LUZP2: variants seen among roughly 807,000 people sequenced by gnomAD.
LUZP2 encodes leucine zipper protein 2.
Under a neutral mutation model 51.6 loss-of-function variants are expected in LUZP2, and 52 were observed. The observed-to-expected ratio is 1.01, with a 90% confidence interval of 0.81 to 1.27. The LOEUF is 1.27. Among genes scored for constraint, LUZP2 ranks in the 50% most tolerant of loss-of-function variants. LUZP2 has a pLI of 0.00. For synonymous variants in LUZP2, 154 were observed against 137.3 expected, an observed-to-expected ratio of 1.12 and a Z score of -0.85; for missense variants, 436 against 395.4, an observed-to-expected ratio of 1.10 and a Z score of -0.87.
At chr11:24,595,593 C>CCT (rs1853415595) in intron 1 of LUZP2, among the ~76,000 whole-genome samples, 1 of 152,150 alleles carries the variant, frequency 6.6e-6, no homozygotes, top group Non-Finnish European at 1.5e-5. Context: ...TATTTAACTT[C>CCT]AATGTTCAAA....
chr11:24,673,524 C>G (rs79533285), intron 1 of LUZP2, among the ~76,000 whole-genome samples: 1 of 152,302 alleles, frequency 6.6e-6, no homozygotes, highest in Non-Finnish European at 1.5e-5. Flanking sequence ...TAAACTTTCT[C>G]TCTTCTGTAT....
intron 7 of LUZP2, among the ~76,000 whole-genome samples, chr11:24,954,201 G>T (rs1332901344): frequency 6.6e-6 from 1 of 151,836 alleles, no homozygotes; most frequent in Non-Finnish European, 1.5e-5. Flanking sequence ...AGTGTTCTGT[G>T]TTCCTCCAAG....
rs546997038 is a variant in LUZP2, at chr11:24,902,477, G to A, written c.397-3514G>A. 4.6e-5 allele frequency among the ~76,000 whole-genome samples: 7 copies of A among 152,124 alleles called. No individual in the cohort carries two copies. The South Asian group carries it at 1.4e-3, about 31-fold the overall frequency. The stretch of plus-strand genomic sequence containing the variant: ...CATTAATCTTTTTTGGGGGAGTGGA[G>A]AGTAAATATTATTAAAGAAAGTTAA... On this transcript the variant is annotated intron_variant, in intron 5 of 11. Transcript: ENST00000336930.
At chr11:24,527,865 A>C (rs1360073314) in intron 1 of LUZP2, among the ~76,000 whole-genome samples, 1 of 151,350 alleles carries the variant, frequency 6.6e-6, no homozygotes, top group Non-Finnish European at 1.5e-5. Flanking sequence ...TCAGACCCAA[A>C]GCTCAGGATA....
intron 9 of LUZP2, among the ~76,000 whole-genome samples, chr11:25,017,624 T>C (rs1316073932): frequency 6.6e-6 from 1 of 152,190 alleles, no homozygotes; most frequent in Non-Finnish European, 1.5e-5. Context: ...TATGTATCTT[T>C]TATACCAGCA....
chr11:24,739,358 A>G (rs937011590), intron 4 of LUZP2, among the ~76,000 whole-genome samples: 6 of 151,962 alleles, frequency 3.9e-5, no homozygotes, highest in Admixed American at 6.6e-5. Context: ...CAGTGGCCTG[A>G]GATAATAAAA....
At position 24,674,652 on chromosome 11, in the gene LUZP2, C is replaced by CT. The variant is rs139200884; in HGVS notation, c.63-54514dup. Reference sequence around the variant, plus strand: ...GCTTATATGCAACCTTTGTCCCAAACTTTATTCCCCTGTATTCCTAAACAA... The same window carrying CT: ...GCTTATATGCAACCTTTGTCCCAAACTTTTATTCCCCTGTATTCCTAAACAA... On this transcript the variant is annotated intron_variant, in intron 1 of 11. Transcript: ENST00000336930. Among the ~76,000 whole-genome samples the CT allele has an allele frequency of 7.5e-3, 1,145 of 152,200 alleles. 14 individuals carry two copies. The highest frequency in any genetic ancestry group is 0.026 in the African/African-American group (1,097 of 41,520).
At chr11:24,668,446 G>A (rs548988416) in intron 1 of LUZP2, among the ~76,000 whole-genome samples, 33 of 152,246 alleles carry the variant, frequency 2.2e-4, no homozygotes, top group Middle Eastern at 3.4e-3. Flanking sequence ...GGAGACAAAT[G>A]ACATGCTGAA....
chr11:24,838,353 G>A (rs959938201), intron 5 of LUZP2, among the ~76,000 whole-genome samples: 34 of 151,668 alleles, frequency 2.2e-4, no homozygotes, highest in Non-Finnish European at 3.7e-4. Flanking sequence ...ATGTGTCTCA[G>A]TTTATCTTAA....
chr11:24,985,353 G>A (rs1590804287), intron 9 of LUZP2, among the ~76,000 whole-genome samples: 2 of 151,500 alleles, frequency 1.3e-5, no homozygotes, highest in Non-Finnish European at 3.0e-5. Context: ...AGGAGATGAC[G>A]TATCTTTTAT....
chr11:24,678,304 C>G (rs11028100), intron 1 of LUZP2, among the ~76,000 whole-genome samples: 28,233 of 152,006 alleles, frequency 0.19, 2,724 homozygotes, highest in East Asian at 0.32. Context: ...GAATGCATAT[C>G]TAATTTACAC....
intron 5 of LUZP2, among the ~76,000 whole-genome samples, chr11:24,893,942 G>A (rs1305159089): frequency 6.6e-6 from 1 of 151,882 alleles, no homozygotes; most frequent in Non-Finnish European, 1.5e-5. Flanking sequence ...AGAGATTTTT[G>A]GTAGCTATAT....
intron 9 of LUZP2, among the ~76,000 whole-genome samples, chr11:25,020,192 CA>C (rs957222001): frequency 9.9e-5 from 15 of 151,808 alleles, no homozygotes; most frequent in Admixed American, 6.6e-4. Context: ...GGAGCAATAG[CA>C]AAAAAAGGAT....
intron 1 of LUZP2, among the ~76,000 whole-genome samples, chr11:24,707,502 T>C (rs1228378385): frequency 2.0e-5 from 3 of 152,092 alleles, no homozygotes; most frequent in African/African-American, 4.8e-5. Flanking sequence ...CTCTTAGATA[T>C]GATGAGAATT....
At chr11:24,518,990 G>A (rs752245031) in intron 1 of LUZP2, among the ~76,000 whole-genome samples, 1 of 152,162 alleles carries the variant, frequency 6.6e-6, no homozygotes, top group African/African-American at 2.4e-5. Context: ...ACGTGAACAA[G>A]GACAGTCAGC....
chr11:24,602,180 GTATA>G (rs1444705618), intron 1 of LUZP2, among the ~76,000 whole-genome samples: 1 of 121,738 alleles, frequency 8.2e-6, no homozygotes, highest in Non-Finnish European at 1.7e-5. Flanking sequence ...ATATATATGT[GTATA>G]TATGTATATA....
intron 5 of LUZP2, among the ~76,000 whole-genome samples, chr11:24,866,647 A>T (rs1851906527): frequency 6.6e-6 from 1 of 152,216 alleles, no homozygotes; most frequent in Non-Finnish European, 1.5e-5. Flanking sequence ...ACACAAAAAA[A>T]ACTGCTATCC....
chr11:24,525,274 G>A (rs769659556), intron 1 of LUZP2, among the ~76,000 whole-genome samples: 27 of 151,552 alleles, frequency 1.8e-4, no homozygotes, highest in Non-Finnish European at 3.4e-4. Context: ...AAGAACATTA[G>A]GCACATATGA....
At chr11:24,904,643 G>A (rs1177222131) in intron 5 of LUZP2, among the ~76,000 whole-genome samples, 4 of 152,026 alleles carry the variant, frequency 2.6e-5, no homozygotes, top group Admixed American at 2.6e-4. Context: ...TGTGTTCTTG[G>A]TTTGTTCTAG....
Sources: gnomAD v4.1 joint callset for allele counts (sites outside exome capture counted in the v4.1 genomes callset) on GRCh38, gnomAD v4.1.1 for gene constraint, MANE v1.5 for transcripts, NCBI Gene and HGNC (gene_info 2026-07-23, HGNC 2026-07-21) for gene names.